BLK: variants seen among roughly 807,000 people sequenced by gnomAD.
The protein encoded by BLK is tyrosine-protein kinase Blk.
BLK carries 64 observed loss-of-function variants against 61.8 expected under a neutral mutation model. The observed-to-expected ratio is 1.03, with a 90% CI of 0.85 to 1.27. The LOEUF (loss-of-function observed/expected upper bound fraction) is 1.27. BLK is among the 50% of genes most tolerant of loss of function. The pLI is 0.00. For missense variants in BLK, 853 were observed against 660.5 expected (o/e 1.29, Z -3.19); for synonymous variants, 351 against 272.0 (o/e 1.29, Z -2.86).
chr8:11,539,258 T>C (rs1340324285), intron 1 of BLK, among the ~76,000 whole-genome samples: 1 of 152,174 alleles, frequency 6.6e-6, no homozygotes, highest in African/African-American at 2.4e-5. Flanking sequence ...AATATGGGAT[T>C]CCCTCATGCA....
At chr8:11,535,281 AAAG>A (rs1800076164) in intron 1 of BLK, among the ~76,000 whole-genome samples, 2 of 141,482 alleles carry the variant, frequency 1.4e-5, no homozygotes, top group Non-Finnish European at 1.6e-5. Context: ...AGAAAGAAAG[AAAG>A]AAAGAAAGAA....
At chr8:11,555,166 C>G (rs1270112132) in intron 7 of BLK, among the ~76,000 whole-genome samples, 166 bp from the exon 8 acceptor site, 1 of 152,072 alleles carries the variant, frequency 6.6e-6, no homozygotes, top group Non-Finnish European at 1.5e-5. Flanking sequence ...TTTGCGCAAA[C>G]GAAGAGAAAG....
intron 1 of BLK, among the ~76,000 whole-genome samples, chr8:11,533,527 A>G (rs186642887): frequency 6.6e-6 from 1 of 151,132 alleles, no homozygotes; most frequent in East Asian, 1.9e-4. Flanking sequence ...AAGGGTTTGA[A>G]GTCAGAGATG....
chr8:11,510,395 C>T (rs1798950415), intron 1 of BLK, among the ~76,000 whole-genome samples: 1 of 152,036 alleles, frequency 6.6e-6, no homozygotes, highest in African/African-American at 2.4e-5. Flanking sequence ...GGAAACAAAC[C>T]CCAAGGCTTT....
At position 11,546,852 on chromosome 8, in the gene BLK, A is replaced by G. The variant is rs575704438; in HGVS notation, c.175+749A>G. 5.3e-5 allele frequency among the ~76,000 whole-genome samples: 8 copies of G among 152,338 alleles called. No homozygotes were observed. In the South Asian group the frequency reaches 1.4e-3, roughly 28 times the overall value. On this transcript the variant is annotated intron_variant, in intron 3 of 12. Coordinates refer to ENST00000259089, the MANE Select transcript of BLK (RefSeq NM_001715.3). ...CAGCCTCTCAAAGTGCTGGGATTAC[A>G]GGCGTGAGCCACTGTGCGTGGCCCC... is the stretch of plus-strand genomic sequence containing the variant.
intron 6 of BLK, chr8:11,554,186 C>T (rs1801063114): frequency 6.1e-6 from 1 of 163,336 alleles, no homozygotes; most frequent in African/African-American, 2.4e-5. Flanking sequence ...TACCACTTGC[C>T]TGCGGGAAAA....
chr8:11,564,082 G>T lies in BLK; in HGVS notation c.1492G>T (p.Glu498Ter). ...SVLEDFYTATERQYELQP is the reference protein window; with the variant it reads ...SVLEDFYTAT ...GCTGGAGGACTTCTACACGGCCACC[G>T]AGCGGCAGTACGAGCTGCAGCCCTA... is the stretch of plus-strand genomic sequence containing the variant. The change falls in exon 13 of 13, where the codon GAG becomes TAG. Residue 498 changes from glutamate to a stop codon, truncating the protein, a stop_gained. Coordinates refer to ENST00000259089, the MANE Select transcript of BLK (RefSeq NM_001715.3). LOFTEE classifies it high-confidence loss of function. The T allele has an allele frequency of 6.3e-7, 1 of 1,589,170 alleles. No individual in the cohort carries two copies. Among genetic ancestry groups the T allele is most frequent in the East Asian group, 2.3e-5 (1 of 43,906 alleles).
At chr8:11,535,514 G>C (rs763944925) in intron 1 of BLK, among the ~76,000 whole-genome samples, 5 of 152,206 alleles carry the variant, frequency 3.3e-5, no homozygotes, top group Non-Finnish European at 7.3e-5. Context: ...CCTGTTGGGA[G>C]TGTGCCTGGT....
chr8:11,531,509 A>G (rs1338859460), intron 1 of BLK, among the ~76,000 whole-genome samples: 1 of 152,174 alleles, frequency 6.6e-6, no homozygotes, highest in Admixed American at 6.5e-5. Flanking sequence ...AGCAGCTTTT[A>G]AGATTGTTTT....
intron 1 of BLK, among the ~76,000 whole-genome samples, chr8:11,513,849 T>C (rs1799119579): frequency 6.6e-6 from 1 of 152,140 alleles, no homozygotes; most frequent in South Asian, 2.1e-4. Flanking sequence ...GAACCCTGTG[T>C]GAAGGGGGCT....
rs529627177 is a variant in BLK, at chr8:11,495,595, T to C, written c.-2+1004T>C. ...GAGAAAACATCAGACAAATCCAAAC[T>C]GGGGAAGATTCCACAACATATTTCA... is the stretch of plus-strand genomic sequence containing the variant. On this transcript the variant is annotated intron_variant, in intron 1 of 12. Coordinates refer to ENST00000259089, the MANE Select transcript of BLK (RefSeq NM_001715.3). Among the ~76,000 whole-genome samples, 13 of 137,466 alleles carry C rather than the reference T, an allele frequency of 9.5e-5. No homozygotes were observed. The East Asian group carries it at 5.2e-3, about 55-fold the overall frequency. The allele number at this position is 137,466 out of a possible 152,430, so 90.2% of individuals were successfully genotyped here. A position where few individuals can be genotyped will look rare whatever the true frequency, so the allele number is the denominator to read the frequency against.
At chr8:11,520,347 C>G (rs1389865291) in intron 1 of BLK, among the ~76,000 whole-genome samples, 3 of 151,646 alleles carry the variant, frequency 2.0e-5, no homozygotes, top group Admixed American at 6.6e-5. Flanking sequence ...TGTGGTGGTG[C>G]ATGCCTGTAG....
chr8:11,561,029 G>C, intron 10 of BLK: 1 of 635,816 alleles, frequency 1.6e-6, no homozygotes, highest in Non-Finnish European at 2.9e-6. Flanking sequence ...CATCTCTGCA[G>C]ACCCTTGGAC....
At chr8:11,556,559 T>G in intron 8 of BLK, 99 bp from the exon 9 acceptor site, 2 of 1,422,094 alleles carry the variant, frequency 1.4e-6, no homozygotes, top group Non-Finnish European at 2.0e-6. Flanking sequence ...GCACCTGGAA[T>G]GGGGTGGCAC....
At chr8:11,559,843 C>T in intron 10 of BLK, 1 of 456,182 alleles carries the variant, frequency 2.2e-6, no homozygotes, top group Non-Finnish European at 4.4e-6. Flanking sequence ...ATGAAGGTTT[C>T]CCTGGACAAG....
rs368518937 is a variant in BLK at position 11,530,621 on chromosome 8, T to C, written c.-1-12603T>C. On this transcript the variant is annotated intron_variant, in intron 1 of 12. Coordinates refer to ENST00000259089, the MANE Select transcript of BLK (RefSeq NM_001715.3). ...GAAGGCAGGTAAAGAGAAAGAAATATGCTCTAAATTTTGTTTACAGGAGTA... is the reference window on the plus strand; with the variant it reads ...GAAGGCAGGTAAAGAGAAAGAAATACGCTCTAAATTTTGTTTACAGGAGTA... Among the ~76,000 whole-genome samples, 48 of 152,226 alleles carry C rather than the reference T, an allele frequency of 3.2e-4. 1 individual carries two copies. Among genetic ancestry groups the C allele is most frequent in the East Asian group, 1.9e-3 (10 of 5,198 alleles).
chr8:11,538,664 A>G lies in BLK; in HGVS notation c.-1-4560A>G, dbSNP rs148243092. Among the ~76,000 whole-genome samples the G allele has an allele frequency of 3.6e-3, 543 of 152,326 alleles. 4 individuals are homozygous for G. Among genetic ancestry groups the G allele is most frequent in the African/African-American group, 0.012 (494 of 41,564 alleles). Reference sequence around the variant, plus strand: ...GGCTGGCCAGACTAAGAAAGACAAGAGGGCTGGTCACCTGGGCAGATGCGG... The same window carrying G: ...GGCTGGCCAGACTAAGAAAGACAAGGGGGCTGGTCACCTGGGCAGATGCGG... On this transcript the variant is annotated intron_variant, in intron 1 of 12. Transcript: ENST00000259089.
intron 5 of BLK, 69 bp downstream of exon 5, chr8:11,549,191 C>T: frequency 1.4e-6 from 2 of 1,406,210 alleles, no homozygotes; most frequent in East Asian, 4.9e-5. Context: ...GGCTGTTAGG[C>T]AGGGCAGGGC....
chr8:11,545,822 G>GCATCT, intron 2 of BLK: 1 of 584,824 alleles, frequency 1.7e-6, no homozygotes, highest in East Asian at 2.9e-5. Context: ...CCACATTGGG[G>GCATCT]CATCCCCCAG....
Sources: gnomAD v4.1 joint callset for allele counts (sites outside exome capture counted in the v4.1 genomes callset) on GRCh38, gnomAD v4.1.1 for gene constraint, MANE v1.5 for transcripts, NCBI Gene and HGNC (gene_info 2026-07-23, HGNC 2026-07-21) for gene names.